BARX2: variants seen among roughly 807,000 people sequenced by gnomAD.
BARX2 encodes the protein BARX homeobox 2, also known as homeobox protein BarH-like 2.
A neutral mutation model predicts 25.5 loss-of-function variants in BARX2; 11 were observed. The ratio of observed to expected loss-of-function variants is 0.43; its 90% confidence interval spans 0.27 to 0.71. The LOEUF is 0.71. BARX2 is among the 30% of genes least tolerant of loss of function. The pLI is 0.19. For missense variants in BARX2, 360 were observed against 359.9 expected (o/e 1.00, Z 0.00); for synonymous variants, 137 against 149.5 (o/e 0.92, Z 0.61).
chr11:129,411,579 A>G (rs1861887819), intron 1 of BARX2, among the ~76,000 whole-genome samples: 1 of 152,152 alleles, frequency 6.6e-6, no homozygotes, highest in Admixed American at 6.5e-5. Flanking sequence ...TGTAAAGGAA[A>G]GTTAGAGAAA....
intron 1 of BARX2, among the ~76,000 whole-genome samples, chr11:129,407,894 G>A (rs1221655151): frequency 6.6e-6 from 1 of 151,842 alleles, no homozygotes; most frequent in African/African-American, 2.4e-5. Context: ...GGAGGATTTG[G>A]CGCCTCTGTT....
chr11:129,429,339 C>T (rs1862103008), intron 1 of BARX2, among the ~76,000 whole-genome samples: 1 of 151,834 alleles, frequency 6.6e-6, no homozygotes, highest in African/African-American at 2.4e-5. Flanking sequence ...TGAGACCAGC[C>T]TGGGCAACAC....
At chr11:129,431,616 C>T (rs754748363) in intron 1 of BARX2, among the ~76,000 whole-genome samples, 5 of 152,068 alleles carry the variant, frequency 3.3e-5, no homozygotes, top group Non-Finnish European at 7.4e-5. Flanking sequence ...AACTTTGGCA[C>T]GTTGTTATAG....
intron 1 of BARX2, among the ~76,000 whole-genome samples, chr11:129,385,259 A>G (rs940836369): frequency 1.3e-5 from 2 of 152,200 alleles, no homozygotes; most frequent in African/African-American, 4.8e-5. Flanking sequence ...AAAGCTGCAG[A>G]CGCACATACC....
rs73024954 is a variant in BARX2, at chr11:129,402,251, C to T, written c.187+26029C>T. ...TGGGGGCACAGACCTGGCTTGAATT[C>T]TCAGTCCCTTACTTCTTAGCATGTT... On this transcript the variant is annotated intron_variant, in intron 1 of 3. Transcript: ENST00000281437. 4.8e-3 allele frequency among the ~76,000 whole-genome samples: 724 copies of T among 152,040 alleles called. 13 individuals carry two copies. The highest frequency in any genetic ancestry group is 7.5e-3 in the Non-Finnish European group (510 of 67,996).
intron 1 of BARX2, among the ~76,000 whole-genome samples, chr11:129,418,579 TATACATTTCTACA>T (rs1861969412): frequency 6.6e-6 from 1 of 152,244 alleles, no homozygotes; most frequent in Admixed American, 6.5e-5. Flanking sequence ...TTTTTTAGTG[TATACATTTCTACA>T]GTTTGAAATT....
chr11:129,449,279 T>G (rs1365513643), intron 3 of BARX2, among the ~76,000 whole-genome samples: 2 of 152,310 alleles, frequency 1.3e-5, no homozygotes, highest in South Asian at 4.1e-4. Flanking sequence ...CTGCTGCTCT[T>G]GAAGGAAAGA....
intron 1 of BARX2, among the ~76,000 whole-genome samples, chr11:129,418,186 T>C (rs1861965079): frequency 6.6e-6 from 1 of 152,198 alleles, no homozygotes; most frequent in Admixed American, 6.5e-5. Flanking sequence ...ACTATTGATA[T>C]CTATCTCTAG....
At chr11:129,402,917 G>A (rs991607432) in intron 1 of BARX2, among the ~76,000 whole-genome samples, 31 of 152,222 alleles carry the variant, frequency 2.0e-4, no homozygotes, top group Admixed American at 1.6e-3. Flanking sequence ...ATTCCAGGAA[G>A]GAAGTGATTC....
intron 3 of BARX2, among the ~76,000 whole-genome samples, chr11:129,445,052 C>T (rs574697507): frequency 6.6e-6 from 1 of 151,748 alleles, no homozygotes; most frequent in African/African-American, 2.4e-5. Context: ...AATAAAAAAC[C>T]AAGAAATTGA....
chr11:129,437,096 A>G (rs1862200518), intron 2 of BARX2, 45 bp downstream of exon 2: 1 of 1,486,960 alleles, frequency 6.7e-7, no homozygotes, highest in African/African-American at 1.4e-5. Flanking sequence ...GGCCCCTGGG[A>G]ACGGGAGACT....
intron 1 of BARX2, among the ~76,000 whole-genome samples, chr11:129,404,196 T>C (rs1052706174): frequency 3.3e-5 from 5 of 152,224 alleles, no homozygotes; most frequent in African/African-American, 1.2e-4. Context: ...TTGGTCACGG[T>C]TCTGAATGAC....
intron 2 of BARX2, chr11:129,437,493 C>G (rs998831513): frequency 1.0e-6 from 1 of 988,934 alleles, no homozygotes; most frequent in East Asian, 1.1e-4. Context: ...AGTTTGCTGG[C>G]CTGGCTATTG....
chr11:129,434,257 G>GT (rs11381540), intron 1 of BARX2, among the ~76,000 whole-genome samples: 146,694 of 148,142 alleles, frequency 0.99, 72,635 homozygotes, highest in Middle Eastern at 1. Flanking sequence ...CAGTTTATAT[G>GT]TTTTTTTTTA....
intron 1 of BARX2, among the ~76,000 whole-genome samples, chr11:129,430,684 G>A (rs1036175416): frequency 1.3e-5 from 2 of 152,106 alleles, no homozygotes; most frequent in Non-Finnish European, 2.9e-5. Flanking sequence ...CAGTTCTCCT[G>A]TGCTTCCCCT....
At chr11:129,381,443 G>A (rs748903318) in intron 1 of BARX2, among the ~76,000 whole-genome samples, 26 of 152,160 alleles carry the variant, frequency 1.7e-4, no homozygotes, top group Non-Finnish European at 3.7e-4. Flanking sequence ...GAGGCAGCTC[G>A]GAATTGGGAT....
chr11:129,437,376 T>G lies in BARX2; in HGVS notation c.488+325T>G, dbSNP rs534986030. The G allele has an allele frequency of 9.5e-6, 9 of 947,980 alleles. No homozygotes were observed. In the East Asian group the frequency reaches 6.4e-4, roughly 67 times the overall value. The allele number at this position is 947,980 out of a possible 1,614,324, so 58.7% of individuals were successfully genotyped here. ...GTCAGCTGGGAAACAGGCTTGGTTT[T>G]TAAGCCACTCACTCTTAGGATTGGA... On this transcript the variant is annotated intron_variant, in intron 2 of 3. Transcript: ENST00000281437.
chr11:129,424,816 G>A (rs998591173), intron 1 of BARX2, among the ~76,000 whole-genome samples: 2 of 152,146 alleles, frequency 1.3e-5, no homozygotes, highest in African/African-American at 4.8e-5. Context: ...TGAATGCCAG[G>A]ATGTCAGCTA....
At chr11:129,382,852 G>A (rs577881088) in intron 1 of BARX2, among the ~76,000 whole-genome samples, 5 of 152,254 alleles carry the variant, frequency 3.3e-5, no homozygotes, top group African/African-American at 1.2e-4. Context: ...TGTGCTGCAG[G>A]TGGCACCCTC....
Sources: gnomAD v4.1 joint callset for allele counts (sites outside exome capture counted in the v4.1 genomes callset) on GRCh38, gnomAD v4.1.1 for gene constraint, MANE v1.5 for transcripts, NCBI Gene and HGNC (gene_info 2026-07-23, HGNC 2026-07-21) for gene names.